PHC3: variants seen among roughly 807,000 people sequenced by gnomAD.
PHC3 encodes the protein polyhomeotic-like protein 3.
In PHC3, 13 loss-of-function variants were observed where a neutral mutation model predicts 107.4. The ratio of observed to expected loss-of-function variants is 0.12; its 90% confidence interval spans 0.08 to 0.19. The LOEUF (loss-of-function observed/expected upper bound fraction) is 0.19, where lower values mean the gene tolerates loss of function less well. Ranked by LOEUF, PHC3 falls within the 10% of genes least tolerant of loss-of-function variation. PHC3 has a pLI of 1.00. For missense variants in PHC3, 992 were observed against 1,210.9 expected (o/e 0.82, Z 2.68); for synonymous variants, 456 against 427.4 (o/e 1.07, Z -0.83).
rs368881725 is a variant in PHC3 at position 170,102,815 on chromosome 3, T to C, written c.2588A>G (p.His863Arg). ...GTTTATACAGACCTGCCTAAGGATA[T>C]GTTCTCTCGCTGCCCCATCAGGGCC... ...PSGPDGAARE[H>R]ILRQLPITYP... The change falls in exon 13 of 15, where the codon CAT (histidine) becomes CGT (arginine). Residue 863 changes from histidine (H) to arginine (R), a missense_variant. Around this residue, in one of 6 missense-constraint regions of PHC3, gnomAD observed 228 missense variants for 288.8 expected, o/e 0.79. Transcript: ENST00000495893. The C allele has an allele frequency of 9.3e-6, 15 of 1,613,840 alleles. No homozygotes were observed. The South Asian group carries it at 1.1e-4, about 12-fold the overall frequency.
intron 6 of PHC3, among the ~76,000 whole-genome samples, chr3:170,143,894 G>C (rs1327664162): frequency 6.6e-6 from 1 of 151,982 alleles, no homozygotes; most frequent in African/African-American, 2.4e-5. Flanking sequence ...TTTCACTATA[G>C]TTTTTCCTGT....
chr3:170,120,437 T>C (rs1720035831), intron 9 of PHC3, among the ~76,000 whole-genome samples: 1 of 151,626 alleles, frequency 6.6e-6, no homozygotes, highest in Non-Finnish European at 1.5e-5. Context: ...ATACAAAAAT[T>C]AGCCAGGCGC....
At chr3:170,169,829 T>C (rs1203295390) in intron 4 of PHC3, 2 of 152,176 alleles carry the variant, frequency 1.3e-5, no homozygotes, top group Non-Finnish European at 2.9e-5. Flanking sequence ...AAAGAATTTG[T>C]CTATATAATT....
At chr3:170,102,453 T>G in intron 14 of PHC3, 26 bp downstream of exon 14, 1 of 1,603,844 alleles carries the variant, frequency 6.2e-7, no homozygotes, top group Non-Finnish European at 8.5e-7. Flanking sequence ...AGAAAAATAT[T>G]AAGGCCAAAG....
At position 170,113,519 on chromosome 3, in the gene PHC3, C is replaced by T; in HGVS notation, c.2194G>A (p.Val732Met). 1.3e-6 allele frequency: 2 copies of T among 1,583,100 alleles called. No homozygotes were observed. The highest frequency in any genetic ancestry group is 1.7e-6 in the Non-Finnish European group (2 of 1,169,246). Residue 732 changes from valine to methionine, a missense_variant and splice_region_variant, in exon 11 of 15, where the codon GTG (valine) becomes ATG (methionine). By Grantham distance (21) the Val-to-Met change is conservative (BLOSUM62 1). Transcript: ENST00000495893. ...TCTATTAGCAAAGAGGAACGACTCA[C>T]CTTTAAAAAAGGAGAAATAATAAAA... ...VIQEGLEPFP[V>M]SRSSLLIEQP... is the part of the protein sequence containing the mutation.
At position 170,102,562 on chromosome 3, in the gene PHC3, T is replaced by C. The variant is rs1254185828; in HGVS notation, c.2750A>G (p.Asn917Ser). ...RDVRIRKMPE[N>S]SDLLPVAQTE... ...TTGTGCAACTGGTAGCAAGTCACTG[T>C]TCTCAGGCATTTTCCGAATTCTCAC... The change falls in exon 14 of 15, where the codon AAC becomes AGC. Residue 917 changes from asparagine (N) to serine (S), a missense_variant. This residue lies in a region of PHC3 where 228 missense variants were observed against 288.8 expected (regional missense o/e 0.79). Transcript: ENST00000495893. 4.3e-6 allele frequency: 7 copies of C among 1,613,752 alleles called. No individual in the cohort carries two copies. The highest frequency in any genetic ancestry group is 2.5e-6 in the Non-Finnish European group (3 of 1,179,838).
At chr3:170,134,021 G>A (rs1364161211) in intron 7 of PHC3, among the ~76,000 whole-genome samples, 1 of 151,900 alleles carries the variant, frequency 6.6e-6, no homozygotes, top group African/African-American at 2.4e-5. Context: ...AAGGACCATG[G>A]GTCACCATTG....
intron 11 of PHC3, among the ~76,000 whole-genome samples, chr3:170,109,618 G>GT (rs922700003): frequency 6.6e-6 from 1 of 152,112 alleles, no homozygotes; most frequent in African/African-American, 2.4e-5. Flanking sequence ...ATGAGGGGAA[G>GT]TTATTTTTTA....
At chr3:170,132,541 TTAAGA>T (rs1261115516) in intron 7 of PHC3, among the ~76,000 whole-genome samples, 3 of 152,202 alleles carry the variant, frequency 2.0e-5, no homozygotes, top group Non-Finnish European at 2.9e-5. Context: ...TTGTGCCCTT[TTAAGA>T]AAAGACATCA....
At chr3:170,111,301 G>GAACGAAC (rs1717627869) in intron 11 of PHC3, among the ~76,000 whole-genome samples, 1 of 130,990 alleles carries the variant, frequency 7.6e-6, no homozygotes, top group Non-Finnish European at 1.6e-5. Flanking sequence ...AAGGAAGGAA[G>GAACGAAC]GAAGGAAGGA....
In PHC3 at chr3:170,178,895, C is replaced by T. The variant is rs1267168551; in HGVS notation, c.58G>A (p.Gly20Arg). ...STAMDTEPNP[G>R]TSSVSTTTSS... ...GTTGTTGTTGACACAGAAGATGTTC[C>T]CGGGTTTGGTTCAGTATCCATAGCT... Residue 20 changes from glycine (G) to arginine (R), a missense_variant, in exon 2 of 15, where the codon GGA becomes AGA. Around this residue, in one of 6 missense-constraint regions of PHC3, gnomAD observed 161 missense variants for 183.7 expected, o/e 0.88. Transcript: ENST00000495893. 2 of 1,613,674 alleles carry T rather than the reference C, an allele frequency of 1.2e-6. No individual in the cohort carries two copies. The highest frequency in any genetic ancestry group is 4.5e-5 in the East Asian group (2 of 44,890).
intron 11 of PHC3, among the ~76,000 whole-genome samples, chr3:170,111,261 AGAAGGAAGGAAGGAAGGAAGGAAGGAAG>A (rs142477519): frequency 2.9e-4 from 35 of 121,380 alleles, no homozygotes; most frequent in East Asian, 1.7e-3. Context: ...TAAAACAAGA[AGAAGGAAGGAAGGAAGGAAGGAAGGAAG>A]GAAGGAAGGA....
At chr3:170,153,255 A>G (rs1002884035) in intron 4 of PHC3, among the ~76,000 whole-genome samples, 1 of 152,132 alleles carries the variant, frequency 6.6e-6, no homozygotes, top group Non-Finnish European at 1.5e-5. Context: ...CCTTTACCAC[A>G]CACACAAAAT....
At chr3:170,098,803 T>C (rs999872620) in intron 14 of PHC3, among the ~76,000 whole-genome samples, 2 of 152,172 alleles carry the variant, frequency 1.3e-5, no homozygotes, top group African/African-American at 4.8e-5. Flanking sequence ...TCTCAGACTT[T>C]GAAAAATTGA....
chr3:170,180,144 C>CA (rs1731145997), intron 1 of PHC3, among the ~76,000 whole-genome samples: 1 of 144,580 alleles, frequency 6.9e-6, no homozygotes. Flanking sequence ...AAAAAAAAAC[C>CA]GAACAAAAAA....
rs779337420 is a variant in PHC3, at chr3:170,128,829, A to C, written c.1643T>G (p.Val548Gly). The C allele has an allele frequency of 6.2e-7, 1 of 1,613,968 alleles. No individual in the cohort carries two copies. Among genetic ancestry groups the C allele is most frequent in the South Asian group, 1.1e-5 (1 of 91,080 alleles). ...TGACACCAAAGCATTCTGCACCAAA[A>C]CCTGGCCCTGGGACAGAATTTCAGG... ...VQPEILSQGQ[V>G]LVQNALVSEE... Residue 548 changes from valine (V) to glycine (G), a missense_variant, in exon 8 of 15, where the codon GTT (valine) becomes GGT (glycine). Val to Gly is a moderately radical substitution (Grantham distance 109). Around this residue, in one of 6 missense-constraint regions of PHC3, gnomAD observed 543 missense variants for 590.8 expected, o/e 0.92. Coordinates refer to ENST00000495893, the MANE Select transcript of PHC3 (RefSeq NM_024947.4).
Position 170,145,412 on chromosome 3 carries a change from G to T in PHC3, c.672+11C>A. ...TCTCAAGTAACACATTATGAAGCTA[G>T]ACAAGCTCACCTGAGTAGCTGCAGA... On this transcript the variant is annotated intron_variant, in intron 6 of 14. Coordinates refer to ENST00000495893, the MANE Select transcript of PHC3 (RefSeq NM_024947.4). 6.2e-7 allele frequency: 1 copy of T among 1,606,344 alleles called. No homozygotes were observed. The highest frequency in any genetic ancestry group is 1.3e-5 in the African/African-American group (1 of 74,796).
chr3:170,175,691 G>A (rs977577788), intron 2 of PHC3, among the ~76,000 whole-genome samples: 5 of 151,532 alleles, frequency 3.3e-5, no homozygotes, highest in African/African-American at 4.8e-5. Flanking sequence ...TTGGGAGGCC[G>A]AGGCGGGCGG....
At chr3:170,176,638 A>G (rs886543785) in intron 2 of PHC3, among the ~76,000 whole-genome samples, 2 of 152,216 alleles carry the variant, frequency 1.3e-5, no homozygotes, top group Non-Finnish European at 2.9e-5. Context: ...CCATCAGTAA[A>G]ATGGAGATAA....
Sources: allele counts gnomAD v4.1 joint callset (sites outside exome capture counted in the v4.1 genomes callset), GRCh38; gene constraint gnomAD v4.1.1; regional missense constraint gnomAD v4.1.1; transcripts MANE v1.5; gene names NCBI Gene and HGNC (gene_info 2026-07-23, HGNC 2026-07-21).